Variants in EMILIN2 observed in about 807,000 individuals in gnomAD.
EMILIN2 encodes elastin microfibril interfacer 2, also known as EMILIN-2.
In EMILIN2, 71 loss-of-function variants were observed where a neutral mutation model predicts 87.1. The ratio of observed to expected loss-of-function variants is 0.82; its 90% CI spans 0.67 to 0.99. The LOEUF (loss-of-function observed/expected upper bound fraction) is 0.99. Ranked by LOEUF, EMILIN2 falls within the 50% of genes least tolerant of loss-of-function variation. The pLI, the probability that EMILIN2 is intolerant of heterozygous loss-of-function variation, is 0.00. For synonymous variants in EMILIN2, 581 were observed against 563.4 expected (o/e 1.03, Z -0.44); for missense variants, 1,407 against 1,371.8 (o/e 1.03, Z -0.40).
intron 2 of EMILIN2, among the ~76,000 whole-genome samples, chr18:2,855,458 C>G (rs1394580287): frequency 6.6e-6 from 1 of 152,220 alleles, no homozygotes. Context: ...GGGTAATGGC[C>G]TTACGAAAAG....
chr18:2,909,603 C>A, intron 6 of EMILIN2, 88 bp from the exon 7 acceptor site: 1 of 1,526,384 alleles, frequency 6.6e-7, no homozygotes, highest in South Asian at 1.2e-5. Context: ...GGCACCTGGG[C>A]CTGGCACGTA....
chr18:2,908,609 G>A (rs1334230003), intron 5 of EMILIN2, among the ~76,000 whole-genome samples: 2 of 152,206 alleles, frequency 1.3e-5, no homozygotes, highest in African/African-American at 4.8e-5. Context: ...CACTGCTAGA[G>A]GGCAAATGTT....
intron 7 of EMILIN2, among the ~76,000 whole-genome samples, chr18:2,910,936 G>A (rs1487217878): frequency 3.9e-5 from 6 of 152,146 alleles, no homozygotes; most frequent in South Asian, 4.1e-4. Flanking sequence ...ACTTTCCACC[G>A]CCATGTAGCT....
At chr18:2,862,811 TG>T (rs2076667754) in intron 2 of EMILIN2, among the ~76,000 whole-genome samples, 1 of 152,218 alleles carries the variant, frequency 6.6e-6, no homozygotes, top group South Asian at 2.1e-4. Flanking sequence ...AGCTCCTCCT[TG>T]TACCTCTGGT....
chr18:2,871,560 G>T (rs188433741), intron 2 of EMILIN2, among the ~76,000 whole-genome samples: 1 of 152,200 alleles, frequency 6.6e-6, no homozygotes. Context: ...GCCTGGGACC[G>T]CAGTTCCTCC....
Position 2,913,164 on chromosome 18 carries a change from C to A in EMILIN2, c.2922C>A (p.Asn974Lys), listed in dbSNP as rs775932549. ...TGGAAGCAGTGCTGTCGGTCTCCAA[C>A]GCCAGCGTGGCCCAGCTGCATACCG... is the stretch of plus-strand genomic sequence containing the variant. ...AYVEAVLSVS[N>K]ASVAQLHTAG... The change falls in exon 8 of 8, where the codon AAC becomes AAA. Residue 974 changes from asparagine to lysine, a missense_variant. Transcript: ENST00000254528. The A allele has an allele frequency of 6.2e-7, 1 of 1,614,052 alleles. No homozygotes were observed. The highest frequency in any genetic ancestry group is 1.7e-5 in the Admixed American group (1 of 60,018).
chr18:2,855,891 A>AAC (rs1376299410), intron 2 of EMILIN2, among the ~76,000 whole-genome samples: 3 of 151,376 alleles, frequency 2.0e-5, no homozygotes, highest in Non-Finnish European at 2.9e-5. Context: ...ACGTCTGGTG[A>AAC]ACACTCACCG....
At chr18:2,911,899 C>G (rs2076942673) in intron 7 of EMILIN2, among the ~76,000 whole-genome samples, 1 of 152,136 alleles carries the variant, frequency 6.6e-6, no homozygotes, top group Non-Finnish European at 1.5e-5. Flanking sequence ...TGGTGCTGGC[C>G]TCAGGGCCAG....
rs765069790 is a variant in EMILIN2 at position 2,891,726 on chromosome 18, A to G, written c.1599A>G (p.Glu533=). 1 of 1,614,182 alleles carries G rather than the reference A, an allele frequency of 6.2e-7. No individual in the cohort carries two copies. Among genetic ancestry groups the G allele is most frequent in the East Asian group, 2.2e-5 (1 of 44,876 alleles). ...CAGGAGTGTCAGGGTCAGGAGATGA[A>G]CGGGTCATGATGGAATTAAACCACC... ...ALPGVSGSGD[E]RVMMELNHLK... The change falls in exon 4 of 8, where the codon GAA becomes GAG. Residue 533 remains glutamate (E), a synonymous_variant. Coordinates refer to ENST00000254528, the MANE Select transcript of EMILIN2 (RefSeq NM_032048.3). The surrounding 1 kb of genome is among the most constrained non-coding windows in gnomAD (Gnocchi z 4.6).
At chr18:2,884,095 A>G (rs2076790594) in intron 2 of EMILIN2, among the ~76,000 whole-genome samples, 1 of 151,954 alleles carries the variant, frequency 6.6e-6, no homozygotes, top group Non-Finnish European at 1.5e-5. Flanking sequence ...AGCTGGGACT[A>G]CAGGCGCACG....
rs2076721720 is a variant in EMILIN2 at position 2,871,917 on chromosome 18, C to CT, written c.258-13042dup. On this transcript the variant is annotated intron_variant, in intron 2 of 7. Coordinates refer to ENST00000254528, the MANE Select transcript of EMILIN2 (RefSeq NM_032048.3). ...TCTGTAAAGCTTTATTGTTTCAAAG[C>CT]TTTTTCCTTTTTTATCCTTTCAATG... Among the ~76,000 whole-genome samples, 3 of 151,992 alleles carry CT rather than the reference C, an allele frequency of 2.0e-5. No individual in the cohort carries two copies. The South Asian group carries it at 6.2e-4, about 32-fold the overall frequency.
chr18:2,894,418 C>T lies in EMILIN2; in HGVS notation c.2359+1932C>T, dbSNP rs528655848. 1.3e-5 allele frequency among the ~76,000 whole-genome samples: 2 copies of T among 152,334 alleles called. No homozygotes were observed. Among genetic ancestry groups the T allele is most frequent in the Admixed American group, 1.3e-4 (2 of 15,310 alleles). On this transcript the variant is annotated intron_variant, in intron 4 of 7. Coordinates refer to ENST00000254528, the MANE Select transcript of EMILIN2 (RefSeq NM_032048.3). This position sits in a 1 kb window ranked among gnomAD's most constrained non-coding sequence, Gnocchi z 5.0. The stretch of plus-strand genomic sequence containing the variant: ...ACCCAGCCCTTCCCCCACTCCAGGG[C>T]CACTCAGCTCCTCTATCTCTGGAAT...
chr18:2,908,266 C>A (rs903054734), intron 5 of EMILIN2, among the ~76,000 whole-genome samples: 10 of 152,220 alleles, frequency 6.6e-5, no homozygotes, highest in African/African-American at 2.4e-4. Context: ...TGCATCTATC[C>A]GTGTATCCCT....
intron 3 of EMILIN2, among the ~76,000 whole-genome samples, chr18:2,889,715 A>T (rs865821232): frequency 0.023 from 1,035 of 44,896 alleles, 11 homozygotes; most frequent in African/African-American, 0.064. Flanking sequence ...TTTTTTTTTT[A>T]AAGATACAGG....
chr18:2,881,293 C>T (rs1476816792), intron 2 of EMILIN2, among the ~76,000 whole-genome samples: 3 of 152,162 alleles, frequency 2.0e-5, no homozygotes, highest in East Asian at 1.9e-4. Context: ...GCCAGGAAGT[C>T]CTCTTCCCCA....
intron 2 of EMILIN2, among the ~76,000 whole-genome samples, chr18:2,860,888 C>T (rs2076657621): frequency 6.6e-6 from 1 of 152,198 alleles, no homozygotes; most frequent in African/African-American, 2.4e-5. Context: ...TCCACATCCT[C>T]TCCAGCACCT....
rs1362622563 is a variant in EMILIN2 at position 2,914,168 on chromosome 18, G to GA, written c.*767dup. The GA allele has an allele frequency of 1.3e-5, 2 of 152,700 alleles. No homozygotes were observed. The highest frequency in any genetic ancestry group is 1.3e-4 in the Admixed American group (2 of 15,312). 9.5% of individuals were successfully genotyped at this position (152,700 alleles called of 1,614,324 possible). A position where few individuals can be genotyped will look rare whatever the true frequency, so the allele number is the denominator to read the frequency against. ...ATGTTTTGTTTCAAAAAGGGCTACA[G>GA]AAAGTAACCTTGAGTAAAATTAATC... is the stretch of plus-strand genomic sequence containing the variant. On this transcript the variant is annotated 3_prime_UTR_variant, in exon 8 of 8. Transcript: ENST00000254528.
At position 2,891,548 on chromosome 18, in the gene EMILIN2, C is replaced by G; in HGVS notation, c.1421C>G (p.Thr474Ser). ...GAACATTGCTTTTACATTGAGGAAA[C>G]CCTTCGGGGCGCCATTAATGGAGAG... ...AEEHCFYIEE[T>S]LRGAINGEVG... Residue 474 changes from threonine (T) to serine (S), a missense_variant, in exon 4 of 8, where the codon ACC becomes AGC. Thr to Ser is a moderately conservative substitution (Grantham distance 58). Transcript: ENST00000254528. This position sits in a 1 kb window ranked among gnomAD's most constrained non-coding sequence, Gnocchi z 4.6. The G allele has an allele frequency of 1.2e-6, 2 of 1,614,078 alleles. No individual in the cohort carries two copies. Among genetic ancestry groups the G allele is most frequent in the Non-Finnish European group, 1.7e-6 (2 of 1,180,040 alleles).
chr18:2,846,898 G>A (rs1029948358), upstream of EMILIN2: 2 of 988,942 alleles, frequency 2.0e-6, no homozygotes, highest in African/African-American at 3.5e-5. The surrounding 1 kb of genome is among the most constrained non-coding windows in gnomAD (Gnocchi z 5.3). Flanking sequence ...AGACTTGGTG[G>A]GGGGAGAGTC....
Sources: gnomAD v4.1 joint callset for allele counts (sites outside exome capture counted in the v4.1 genomes callset) on GRCh38, gnomAD v4.1.1 for gene constraint, Gnocchi (gnomAD v3.1) non-coding constraint, MANE v1.5 for transcripts, NCBI Gene and HGNC (gene_info 2026-07-23, HGNC 2026-07-21) for gene names.